The following ZNF385D variants were observed in gnomAD, a reference collection of about 807,000 sequenced individuals.
ZNF385D encodes the protein zinc finger protein 659.
A neutral mutation model predicts 35.8 loss-of-function variants in ZNF385D; 15 were observed. The ratio of observed to expected loss-of-function variants is 0.42; its 90% CI spans 0.28 to 0.64. The LOEUF is 0.64. Among genes scored for constraint, ZNF385D ranks in the 30% least tolerant of loss-of-function variants. The pLI, the probability that ZNF385D is intolerant of heterozygous loss-of-function variation, is 0.23. For synonymous variants in ZNF385D, 212 were observed against 186.8 expected (o/e 1.13, Z -1.10); for missense variants, 474 against 494.6 (o/e 0.96, Z 0.39).
At chr3:22,155,307 A>AT (rs555104372) in intron 3 of ZNF385D, among the ~76,000 whole-genome samples, 187 of 152,080 alleles carry the variant, frequency 1.2e-3, no homozygotes, top group African/African-American at 4.3e-3. Context: ...CTCCGCTTTG[A>AT]TTTTTTTTCC....
At chr3:21,491,427 CT>C (rs1451678955) in intron 4 of ZNF385D, among the ~76,000 whole-genome samples, 1 of 152,026 alleles carries the variant, frequency 6.6e-6, no homozygotes, top group Non-Finnish European at 1.5e-5. Context: ...GAAACACCCC[CT>C]ATTCCCCATC....
chr3:21,752,006 C>CA (rs1306382527), upstream of ZNF385D, among the ~76,000 whole-genome samples: 34 of 51,204 alleles, frequency 6.6e-4, 1 homozygote, highest in Middle Eastern at 0.02. Flanking sequence ...CACACACACC[C>CA]ACCCCCCTCC....
chr3:21,655,690 G>T (rs2066051907), intron 2 of ZNF385D, among the ~76,000 whole-genome samples: 1 of 151,942 alleles, frequency 6.6e-6, no homozygotes, highest in South Asian at 2.1e-4. Flanking sequence ...GGCTCATATA[G>T]CTGATTTAAA....
intron 2 of ZNF385D, among the ~76,000 whole-genome samples, chr3:22,333,469 C>CT (rs1475404257): frequency 2.0e-5 from 3 of 151,638 alleles, no homozygotes; most frequent in Admixed American, 1.3e-4. Context: ...TTTTTTCTAT[C>CT]TTTTTTTCTC....
At chr3:21,872,678 T>C (rs952420814) in intron 3 of ZNF385D, among the ~76,000 whole-genome samples, 1 of 152,076 alleles carries the variant, frequency 6.6e-6, no homozygotes, top group Non-Finnish European at 1.5e-5. Flanking sequence ...TGTGGCAAAA[T>C]GGCCTGAAAG....
At chr3:21,979,809 T>C (rs9873358) in intron 3 of ZNF385D, 46,736 of 152,038 alleles carry the variant, frequency 0.31, 9,891 homozygotes, top group African/African-American at 0.6. Flanking sequence ...CTTCACCAAA[T>C]GAACTTGTGT....
chr3:21,503,244 CAATG>C (rs1706520827), intron 4 of ZNF385D, among the ~76,000 whole-genome samples: 1 of 152,096 alleles, frequency 6.6e-6, no homozygotes. Flanking sequence ...ACATAAAAAT[CAATG>C]TATGTGTATA....
At chr3:22,335,274 A>C (rs1217931720) in intron 2 of ZNF385D, among the ~76,000 whole-genome samples, 3 of 152,178 alleles carry the variant, frequency 2.0e-5, no homozygotes, top group Non-Finnish European at 2.9e-5. Context: ...TGATGGCTTC[A>C]AACAAAAATA....
At chr3:21,780,150 G>C (rs377196313) in intron 3 of ZNF385D, among the ~76,000 whole-genome samples, 4 of 152,050 alleles carry the variant, frequency 2.6e-5, no homozygotes. Flanking sequence ...AATAATAGTA[G>C]GAATATCAAC....
chr3:22,338,758 T>G (rs905388969), intron 2 of ZNF385D, among the ~76,000 whole-genome samples: 3 of 143,606 alleles, frequency 2.1e-5, no homozygotes, highest in African/African-American at 8.1e-5. Flanking sequence ...TGGAGTACAA[T>G]GGCGCGATCT....
At chr3:21,610,762 G>A (rs71310263) in intron 2 of ZNF385D, among the ~76,000 whole-genome samples, 28,334 of 145,540 alleles carry the variant, frequency 0.19, 3,298 homozygotes, top group South Asian at 0.27. Flanking sequence ...GCGACAGAGC[G>A]AGACTCCGTC....
At chr3:21,680,798 C>T (rs149474125) in intron 1 of ZNF385D, among the ~76,000 whole-genome samples, 7 of 151,906 alleles carry the variant, frequency 4.6e-5, no homozygotes, top group Admixed American at 3.3e-4. Flanking sequence ...TTCCATTAGT[C>T]TAGCCAAAAT....
rs1046450938 is a variant in ZNF385D, at chr3:21,413,697, C to G, written c.*7517G>C. The G allele has an allele frequency of 5.9e-5, 9 of 152,024 alleles. No homozygotes were observed. Among genetic ancestry groups the G allele is most frequent in the African/African-American group, 2.2e-4 (9 of 41,396 alleles). The allele number at this position is 152,024 out of a possible 1,614,324, so 9.4% of individuals were successfully genotyped here. A position where few individuals can be genotyped will look rare whatever the true frequency, so the allele number is the denominator to read the frequency against. ...TTTTCCTTTATTTTTTGCAGGGTCA[C>G]AAGCATGTAGAGCAAACCATAGTCT... On this transcript the variant is annotated 3_prime_UTR_variant, in exon 8 of 8. Coordinates refer to ENST00000281523, the MANE Select transcript of ZNF385D (RefSeq NM_024697.3).
intron 4 of ZNF385D, among the ~76,000 whole-genome samples, chr3:21,506,778 T>A (rs1298530127): frequency 6.6e-6 from 1 of 152,176 alleles, no homozygotes; most frequent in Non-Finnish European, 1.5e-5. Context: ...CCTGTAAACT[T>A]TTATACAAGT....
intron 2 of ZNF385D, among the ~76,000 whole-genome samples, chr3:21,622,191 G>A (rs1417258637): frequency 6.6e-6 from 1 of 151,780 alleles, no homozygotes; most frequent in Non-Finnish European, 1.5e-5. Context: ...TATTTTAATA[G>A]GAAAAAAGTG....
At chr3:21,889,733 G>T (rs941950700) in intron 3 of ZNF385D, among the ~76,000 whole-genome samples, 9 of 152,102 alleles carry the variant, frequency 5.9e-5, no homozygotes, top group African/African-American at 2.2e-4. Context: ...TACAAGGGCT[G>T]CCATGACAAA....
chr3:21,441,399 G>A (rs116036398), intron 4 of ZNF385D, among the ~76,000 whole-genome samples: 304 of 152,282 alleles, frequency 2.0e-3, no homozygotes, highest in African/African-American at 6.8e-3. Context: ...CGCCAGAGCT[G>A]CCAACAGGTA....
At chr3:22,268,782 A>G (rs1701025501) in intron 2 of ZNF385D, among the ~76,000 whole-genome samples, 1 of 151,980 alleles carries the variant, frequency 6.6e-6, no homozygotes, top group Admixed American at 6.6e-5. Context: ...ACATCTTTGG[A>G]GACATACCCC....
chr3:21,531,777 C>T (rs1034436458), intron 3 of ZNF385D, among the ~76,000 whole-genome samples: 2 of 152,240 alleles, frequency 1.3e-5, no homozygotes, highest in South Asian at 2.1e-4. Flanking sequence ...ACACAGAGAA[C>T]GTCTAAGGCA....
Sources: gnomAD v4.1 joint callset for allele counts (sites outside exome capture counted in the v4.1 genomes callset) on GRCh38, gnomAD v4.1.1 for gene constraint, MANE v1.5 for transcripts, NCBI Gene and HGNC (gene_info 2026-07-23, HGNC 2026-07-21) for gene names.